GPC5: variants seen among roughly 807,000 people sequenced by gnomAD.
GPC5 encodes the protein glypican 5.
GPC5 carries 47 observed loss-of-function variants against 53.9 expected under a neutral mutation model. The ratio of observed to expected loss-of-function variants is 0.87; its 90% confidence interval spans 0.69 to 1.11. The LOEUF (loss-of-function observed/expected upper bound fraction) is 1.11, where lower values mean the gene tolerates loss of function less well. GPC5 is among the 50% of genes most tolerant of loss of function. The pLI is 0.00. For missense variants in GPC5, 748 were observed against 713.1 expected (o/e 1.05, Z -0.56); for synonymous variants, 286 against 263.3 (o/e 1.09, Z -0.84).
chr13:92,497,572 G>C (rs1401250625), intron 7 of GPC5, among the ~76,000 whole-genome samples: 1 of 152,154 alleles, frequency 6.6e-6, no homozygotes, highest in African/African-American at 2.4e-5. Flanking sequence ...GCTTAGGCTT[G>C]TGTTGGCTAC....
chr13:91,925,999 T>C (rs1393512207), intron 6 of GPC5, among the ~76,000 whole-genome samples: 1 of 152,156 alleles, frequency 6.6e-6, no homozygotes, highest in Non-Finnish European at 1.5e-5. Flanking sequence ...GATGACTGAA[T>C]AACAGGAATA....
rs2039767276 is a variant in GPC5 at position 91,926,338 on chromosome 13, G to A, written c.1401+18281G>A. Among the ~76,000 whole-genome samples the A allele has an allele frequency of 2.7e-5, 4 of 146,148 alleles. No homozygotes were observed. The South Asian group carries it at 8.6e-4, about 31-fold the overall frequency. ...ATCGCACCACTGTACTCCAGGCTGGGTGACAGAGTGAGACTCCACCTAAAA... is the reference window on the plus strand; with the variant it reads ...ATCGCACCACTGTACTCCAGGCTGGATGACAGAGTGAGACTCCACCTAAAA... On this transcript the variant is annotated intron_variant, in intron 6 of 7. Transcript: ENST00000377067.
At chr13:92,781,148 T>G (rs1876011547) in intron 7 of GPC5, among the ~76,000 whole-genome samples, 1 of 152,114 alleles carries the variant, frequency 6.6e-6, no homozygotes. Context: ...TAAACGTTCC[T>G]TATATTACAG....
chr13:92,440,623 G>T (rs924926065), intron 7 of GPC5, among the ~76,000 whole-genome samples: 3 of 152,120 alleles, frequency 2.0e-5, no homozygotes, highest in African/African-American at 4.8e-5. Flanking sequence ...CCCAGGAATG[G>T]GATTTCTGGG....
At chr13:91,406,348 A>G (rs1263077710) in intron 1 of GPC5, among the ~76,000 whole-genome samples, 1 of 152,032 alleles carries the variant, frequency 6.6e-6, no homozygotes, top group Non-Finnish European at 1.5e-5. Context: ...GTACAATGAT[A>G]TTTTTTGTCT....
intron 6 of GPC5, among the ~76,000 whole-genome samples, chr13:92,083,791 T>G (rs1399820852): frequency 6.6e-6 from 1 of 152,148 alleles, no homozygotes; most frequent in Middle Eastern, 3.2e-3. Flanking sequence ...TAATTTACAT[T>G]CCCACCAACA....
chr13:92,568,993 T>C (rs1455040869), intron 7 of GPC5, among the ~76,000 whole-genome samples: 2 of 151,628 alleles, frequency 1.3e-5, no homozygotes, highest in Non-Finnish European at 2.9e-5. Flanking sequence ...TAGTTACATA[T>C]GTATACATGT....
At chr13:92,122,960 T>A (rs2041663093) in intron 6 of GPC5, among the ~76,000 whole-genome samples, 1 of 152,180 alleles carries the variant, frequency 6.6e-6, no homozygotes, top group African/African-American at 2.4e-5. Flanking sequence ...AGACATTATG[T>A]ATGTTCCAAT....
intron 6 of GPC5, among the ~76,000 whole-genome samples, chr13:91,947,769 G>A (rs1436286545): frequency 6.6e-6 from 1 of 152,082 alleles, no homozygotes; most frequent in African/African-American, 2.4e-5. Context: ...TTTGCTAGTT[G>A]GAAGTTGGGA....
chr13:91,662,765 C>T (rs1304692798), intron 2 of GPC5, among the ~76,000 whole-genome samples: 18 of 152,184 alleles, frequency 1.2e-4, no homozygotes, highest in Admixed American at 6.5e-5. Context: ...TCACTACTCC[C>T]ATAGTATCTT....
Position 91,904,140 on chromosome 13 carries a change from C to CTTTTT in GPC5, c.1281-3780_1281-3776dup, listed in dbSNP as rs57293387. 5.0e-3 allele frequency among the ~76,000 whole-genome samples: 468 copies of CTTTTT among 94,372 alleles called. 7 individuals carry two copies. The highest frequency in any genetic ancestry group is 0.014 in the African/African-American group (309 of 22,584). The allele number at this position is 94,372 out of a possible 152,430, so 61.9% of individuals were successfully genotyped here. ...TGCTTAGTTTTACTTTCTTTTCTTT[C>CTTTTT]TTTTTTTTTTTTTTTTTTTTTAAGG... On this transcript the variant is annotated intron_variant, in intron 5 of 7. Coordinates refer to ENST00000377067, the MANE Select transcript of GPC5 (RefSeq NM_004466.6).
chr13:92,275,257 AT>A (rs1166265069), intron 7 of GPC5, among the ~76,000 whole-genome samples: 2 of 152,102 alleles, frequency 1.3e-5, no homozygotes, highest in Non-Finnish European at 1.5e-5. Flanking sequence ...AGGCTTCTGT[AT>A]TTTTTCTAAT....
At chr13:92,362,100 C>T (rs7334109) in intron 7 of GPC5, among the ~76,000 whole-genome samples, 61,691 of 151,342 alleles carry the variant, frequency 0.41, 13,186 homozygotes, top group Middle Eastern at 0.52. Context: ...AAAAGTCATA[C>T]AGATAATTAA....
intron 2 of GPC5, among the ~76,000 whole-genome samples, chr13:91,597,992 G>A (rs1247554977): frequency 6.6e-6 from 1 of 151,790 alleles, no homozygotes; most frequent in African/African-American, 2.4e-5. Context: ...AGAACACTTT[G>A]TAAAAAACAT....
chr13:92,112,528 A>G (rs1260659939), intron 6 of GPC5, among the ~76,000 whole-genome samples: 2 of 152,158 alleles, frequency 1.3e-5, no homozygotes, highest in Admixed American at 1.3e-4. Context: ...TGCTCATCGA[A>G]TTTGAATATT....
intron 7 of GPC5, among the ~76,000 whole-genome samples, chr13:92,462,726 T>C (rs1016543711): frequency 6.6e-6 from 1 of 151,154 alleles, no homozygotes; most frequent in Non-Finnish European, 1.5e-5. Context: ...GTCTTTTTTT[T>C]TTTTTTTCGC....
At chr13:91,643,824 A>G (rs917426464) in intron 2 of GPC5, among the ~76,000 whole-genome samples, 1 of 152,024 alleles carries the variant, frequency 6.6e-6, no homozygotes, top group East Asian at 1.9e-4. Flanking sequence ...GTCATAATGG[A>G]TTAGGAGTCT....
intron 7 of GPC5, among the ~76,000 whole-genome samples, chr13:92,229,137 A>G (rs948892114): frequency 3.9e-5 from 6 of 152,024 alleles, no homozygotes; most frequent in African/African-American, 1.2e-4. Context: ...TAATAACCCT[A>G]CATTAGGCTC....
At chr13:91,934,783 T>G (rs1262315124) in intron 6 of GPC5, among the ~76,000 whole-genome samples, 1 of 151,932 alleles carries the variant, frequency 6.6e-6, no homozygotes, top group Non-Finnish European at 1.5e-5. Context: ...GGACCCCAGA[T>G]GATATCACTT....
Sources: allele counts gnomAD v4.1 joint callset (sites outside exome capture counted in the v4.1 genomes callset), GRCh38; gene constraint gnomAD v4.1.1; transcripts MANE v1.5; gene names NCBI Gene and HGNC (gene_info 2026-07-23, HGNC 2026-07-21).